ATRNL1: variants seen among roughly 807,000 people sequenced by gnomAD.
ATRNL1 encodes the protein attractin like 1, also known as attractin-like protein 1.
In ATRNL1, 95 loss-of-function variants were observed where a neutral mutation model predicts 182.7. That is an observed-to-expected ratio of 0.52 (90% confidence interval 0.44 to 0.62). The LOEUF is 0.62. Ranked by LOEUF, ATRNL1 falls within the 20% of genes least tolerant of loss-of-function variation. The probability of loss-of-function intolerance (pLI) is 0.00; values close to 1 mark genes in which losing one functional copy is unlikely to be tolerated. For synonymous variants in ATRNL1, 576 were observed against 568.3 expected, an observed-to-expected ratio of 1.01 and a Z score of -0.19; for missense variants, 1,471 against 1,679.5, an observed-to-expected ratio of 0.88 and a Z score of 2.17.
chr10:115,496,519 T>C (rs150937693), intron 24 of ATRNL1, among the ~76,000 whole-genome samples: 206 of 152,304 alleles, frequency 1.4e-3, no homozygotes, highest in African/African-American at 4.6e-3. Flanking sequence ...TTAGCTCTGT[T>C]TATGTGATAA....
At position 115,540,497 on chromosome 10, in the gene ATRNL1, C is replaced by T. The variant is rs556946826; in HGVS notation, c.3717-8961C>T. Among the ~76,000 whole-genome samples, 5 of 152,220 alleles carry T rather than the reference C, an allele frequency of 3.3e-5. No homozygotes were observed. In the South Asian group the frequency reaches 1.0e-3, roughly 32 times the overall value. ...ACAGTGGAGGCCGGGCATGGTGGCT[C>T]ACACCTGTAATCCCAGCACTTTGGG... On this transcript the variant is annotated intron_variant, in intron 25 of 28. Transcript: ENST00000355044.
intron 5 of ATRNL1, among the ~76,000 whole-genome samples, chr10:115,132,747 T>G (rs1422144074): frequency 6.6e-6 from 1 of 152,230 alleles, no homozygotes; most frequent in Non-Finnish European, 1.5e-5. Flanking sequence ...AAGTGTCTGT[T>G]CATATCCCTC....
chr10:115,473,365 T>C (rs1248628612), intron 24 of ATRNL1, among the ~76,000 whole-genome samples: 4 of 151,282 alleles, frequency 2.6e-5, no homozygotes, highest in African/African-American at 9.7e-5. Flanking sequence ...TCATTTTTAT[T>C]TATTTGTTTT....
intron 26 of ATRNL1, among the ~76,000 whole-genome samples, chr10:115,624,755 C>T (rs1018007726): frequency 6.6e-6 from 1 of 151,998 alleles, no homozygotes; most frequent in Non-Finnish European, 1.5e-5. Context: ...ATGGAGTATA[C>T]GATACATAAA....
chr10:115,697,647 A>G (rs574227180), intron 26 of ATRNL1, among the ~76,000 whole-genome samples: 1 of 152,180 alleles, frequency 6.6e-6, no homozygotes, highest in Non-Finnish European at 1.5e-5. Context: ...TCAATAAAAA[A>G]TTTCTGTGTG....
intron 28 of ATRNL1, among the ~76,000 whole-genome samples, chr10:115,875,544 A>T (rs1426675888): frequency 6.6e-6 from 1 of 152,238 alleles, no homozygotes; most frequent in Non-Finnish European, 1.5e-5. Flanking sequence ...AAAATAGAAC[A>T]TGAAATGAGG....
chr10:115,560,853 C>A (rs893717680), intron 26 of ATRNL1, among the ~76,000 whole-genome samples: 1 of 152,126 alleles, frequency 6.6e-6, no homozygotes, highest in African/African-American at 2.4e-5. Flanking sequence ...TAAACTCTTA[C>A]ATTTATAGTT....
chr10:115,765,707 T>G (rs1051317568), intron 27 of ATRNL1, among the ~76,000 whole-genome samples: 4 of 152,218 alleles, frequency 2.6e-5, no homozygotes, highest in African/African-American at 9.6e-5. Flanking sequence ...TAAAAAATTA[T>G]TACAGTACCG....
chr10:115,522,648 AGTCTTAACTT>A (rs1851004374), intron 25 of ATRNL1, among the ~76,000 whole-genome samples: 1 of 152,138 alleles, frequency 6.6e-6, no homozygotes, highest in South Asian at 2.1e-4. Context: ...ACTTCCCAGA[AGTCTTAACTT>A]GTTTCAGCAT....
At chr10:115,625,562 A>G (rs987528001) in intron 26 of ATRNL1, among the ~76,000 whole-genome samples, 6 of 152,072 alleles carry the variant, frequency 3.9e-5, no homozygotes, top group African/African-American at 1.4e-4. Context: ...ATAGACCATG[A>G]ATATTCTATC....
intron 19 of ATRNL1, among the ~76,000 whole-genome samples, chr10:115,347,837 C>CTA (rs1277469622): frequency 3.3e-5 from 5 of 151,748 alleles, no homozygotes; most frequent in African/African-American, 7.2e-5. Context: ...TATATGTATA[C>CTA]TATATATATA....
In ATRNL1 at chr10:115,185,005, T is replaced by A. The variant is rs534485639; in HGVS notation, c.1348+13713T>A. ...TAGACTAAAAAATAAGTAAATATAT[T>A]TTTTTGGGAACCAAAGTTCTTCATG... On this transcript the variant is annotated intron_variant, in intron 8 of 28. Coordinates refer to ENST00000355044, the MANE Select transcript of ATRNL1 (RefSeq NM_207303.4). Among the ~76,000 whole-genome samples, 34 of 152,076 alleles carry A rather than the reference T, an allele frequency of 2.2e-4. No homozygotes were observed. In the South Asian group the frequency reaches 6.0e-3, roughly 27 times the overall value.
chr10:115,765,975 TCCC>T (rs57521860), intron 27 of ATRNL1, among the ~76,000 whole-genome samples: 1,167 of 15,632 alleles, frequency 0.075, 13 homozygotes, highest in Admixed American at 0.078. Context: ...AACCATCCTT[TCCC>T]CCCCCCGGCT....
chr10:115,625,704 A>G (rs1428637645), intron 26 of ATRNL1, among the ~76,000 whole-genome samples: 1 of 152,148 alleles, frequency 6.6e-6, no homozygotes, highest in Non-Finnish European at 1.5e-5. Flanking sequence ...AACTCCATTC[A>G]TGCAATTTAA....
At chr10:115,920,331 G>A (rs1161669160) in intron 28 of ATRNL1, among the ~76,000 whole-genome samples, 3 of 152,152 alleles carry the variant, frequency 2.0e-5, no homozygotes, top group Non-Finnish European at 4.4e-5. Context: ...GGTAAAATGT[G>A]TTCTGTCCTC....
At chr10:115,268,247 T>G in intron 12 of ATRNL1, 79 bp from the exon 13 acceptor site, 1 of 826,846 alleles carries the variant, frequency 1.2e-6, no homozygotes, top group South Asian at 1.6e-5. Flanking sequence ...TCTTAATGAT[T>G]CTTAAATAGA....
chr10:115,930,593 A>T (rs1953366095), intron 28 of ATRNL1, among the ~76,000 whole-genome samples: 1 of 152,234 alleles, frequency 6.6e-6, no homozygotes, highest in Non-Finnish European at 1.5e-5. Context: ...AATTTTGGTC[A>T]CATGAGTGAT....
chr10:115,363,980 T>C (rs1554945090), intron 19 of ATRNL1, among the ~76,000 whole-genome samples: 21 of 149,930 alleles, frequency 1.4e-4, no homozygotes, highest in African/African-American at 4.8e-4. Context: ...TCTTTTGGCT[T>C]AGGATTGACT....
rs186734542 is a variant in ATRNL1, at chr10:115,396,552, A to G, written c.3269+1800A>G. Among the ~76,000 whole-genome samples, 4 of 152,114 alleles carry G rather than the reference A, an allele frequency of 2.6e-5. No individual in the cohort carries two copies. In the East Asian group the frequency reaches 7.7e-4, roughly 29 times the overall value. ...TTATGTATAATAGCATGTTCTGGTT[A>G]TAAGTAATGTTTCTCTTGATTAACT... On this transcript the variant is annotated intron_variant, in intron 20 of 28. Transcript: ENST00000355044.
Sources: gnomAD v4.1 joint callset for allele counts (sites outside exome capture counted in the v4.1 genomes callset) on GRCh38, gnomAD v4.1.1 for gene constraint, MANE v1.5 for transcripts, NCBI Gene and HGNC (gene_info 2026-07-23, HGNC 2026-07-21) for gene names.